Variants in TYW5 observed in about 807,000 individuals in gnomAD.
The protein encoded by TYW5 is tRNA wybutosine-synthesizing protein 5.
In TYW5, 36 loss-of-function variants were observed where a neutral mutation model predicts 44.4. The observed-to-expected ratio is 0.81, with a 90% CI of 0.62 to 1.07. The LOEUF (loss-of-function observed/expected upper bound fraction) is 1.07, where lower values mean the gene tolerates loss of function less well. Ranked by LOEUF, TYW5 falls within the 50% of genes least tolerant of loss-of-function variation. TYW5 has a pLI of 0.00. For missense variants in TYW5, 354 were observed against 365.7 expected (o/e 0.97, Z 0.26); for synonymous variants, 121 against 128.1 (o/e 0.94, Z 0.37).
intron 7 of TYW5, among the ~76,000 whole-genome samples, 161 bp downstream of exon 7, chr2:199,935,770 A>ACACACACACACG (rs1559300833): frequency 6.9e-6 from 1 of 145,850 alleles, no homozygotes; most frequent in East Asian, 2.0e-4. Flanking sequence ...ACACACATAC[A>ACACACACACACG]CACACACGCA....
At chr2:199,937,623 C>T (rs1486055310) in intron 5 of TYW5, among the ~76,000 whole-genome samples, 2 of 152,034 alleles carry the variant, frequency 1.3e-5, no homozygotes, top group Non-Finnish European at 2.9e-5. Flanking sequence ...GAGCCAGGAT[C>T]GTGCCACTGC....
chr2:199,936,015 G>A lies in TYW5; in HGVS notation c.607C>T (p.Pro203Ser), dbSNP rs1404878277. 6.2e-7 allele frequency: 1 copy of A among 1,612,350 alleles called. No homozygotes were observed. The stretch of plus-strand genomic sequence containing the variant: ...AAAAGTGGATATTTAGCCAAGTCTG[G>A]GTTATCTATATTCAGTACTTCTGAT... ...TKSEVLNIDN[P>S]DLAKYPLFSK... Residue 203 changes from proline to serine, a missense_variant, in exon 7 of 8, where the codon CCA becomes TCA. Pro to Ser is a moderately conservative substitution (Grantham distance 74, BLOSUM62 -1). Coordinates refer to ENST00000354611, the MANE Select transcript of TYW5 (RefSeq NM_001039693.3).
chr2:199,933,563 T>A (rs1173192972), intron 7 of TYW5, among the ~76,000 whole-genome samples: 1 of 152,204 alleles, frequency 6.6e-6, no homozygotes, highest in Non-Finnish European at 1.5e-5. Context: ...AATAGCAATT[T>A]TTCCTTTAAA....
Position 199,940,125 on chromosome 2 carries a change from T to G in TYW5, c.312A>C (p.Lys104Asn). Reference protein sequence around the residue: ...HKEFFVSEDEKYYLRSLGEDP... With the variant: ...HKEFFVSEDENYYLRSLGEDP... ...CTTCTCCAAGTGACCGTAAGTAGTA[T>G]TTCTCATCCTTAAACACCCCAGAGA... The change falls in exon 4 of 8, where the codon AAA becomes AAC. Residue 104 changes from lysine (K) to asparagine (N), a missense_variant. Transcript: ENST00000354611. 1 of 1,612,644 alleles carries G rather than the reference T, an allele frequency of 6.2e-7. No individual in the cohort carries two copies. Among genetic ancestry groups the G allele is most frequent in the Non-Finnish European group, 8.5e-7 (1 of 1,179,356 alleles).
Position 199,930,212 on chromosome 2 carries a change from G to C in TYW5, c.*2855C>G, listed in dbSNP as rs1296054350. 4 of 152,112 alleles carry C rather than the reference G, an allele frequency of 2.6e-5. No homozygotes were observed. The East Asian group carries it at 7.7e-4, about 29-fold the overall frequency. 9.4% of individuals were successfully genotyped at this position (152,112 alleles called of 1,614,324 possible). A position where few individuals can be genotyped will look rare whatever the true frequency, so the allele number is the denominator to read the frequency against. Reference sequence around the variant, plus strand: ...GGCTGGTCTCGAACTCCTGAGTTCAGATGATCCACCCACCTCGGTGCATAT... The same window carrying C: ...GGCTGGTCTCGAACTCCTGAGTTCACATGATCCACCCACCTCGGTGCATAT... On this transcript the variant is annotated 3_prime_UTR_variant, in exon 8 of 8. Coordinates refer to ENST00000354611, the MANE Select transcript of TYW5 (RefSeq NM_001039693.3).
intron 5 of TYW5, among the ~76,000 whole-genome samples, chr2:199,937,490 C>T (rs1421876995): frequency 6.6e-6 from 1 of 151,372 alleles, no homozygotes; most frequent in East Asian, 1.9e-4. Flanking sequence ...TCGCAAAACC[C>T]CATGTATACT....
intron 1 of TYW5, among the ~76,000 whole-genome samples, chr2:199,954,441 G>A (rs2077576605): frequency 6.6e-6 from 1 of 151,940 alleles, no homozygotes; most frequent in South Asian, 2.1e-4. Flanking sequence ...AGTTTTGTTT[G>A]TTTGTTTGAG....
chr2:199,950,547 G>A (rs759663182), intron 1 of TYW5, among the ~76,000 whole-genome samples: 14 of 152,098 alleles, frequency 9.2e-5, no homozygotes, highest in South Asian at 4.1e-4. Flanking sequence ...GGTCTTCCCC[G>A]GGTACTCTGG....
intron 3 of TYW5, among the ~76,000 whole-genome samples, chr2:199,941,827 T>C (rs2077467028): frequency 6.6e-6 from 1 of 152,190 alleles, no homozygotes. Context: ...AGGATTGGAA[T>C]CTAGGTCATG....
intron 4 of TYW5, among the ~76,000 whole-genome samples, chr2:199,939,725 C>T (rs562398583): frequency 6.6e-6 from 1 of 152,158 alleles, no homozygotes; most frequent in Non-Finnish European, 1.5e-5. Flanking sequence ...CACAGCCATA[C>T]TAATTTGACT....
At position 199,943,852 on chromosome 2, in the gene TYW5, G is replaced by A. The variant is rs927721013; in HGVS notation, c.234-18C>T. 1.8e-5 allele frequency: 28 copies of A among 1,594,354 alleles called. No homozygotes were observed. The highest frequency in any genetic ancestry group is 4.5e-5 in the East Asian group (2 of 44,584). The stretch of plus-strand genomic sequence containing the variant: ...GTAAAGTTCTGAAATAAACACAAAG[G>A]AATCCTTGGACTTAATAATAACAGA... On this transcript the variant is annotated intron_variant, in intron 2 of 7. Transcript: ENST00000354611.
At position 199,949,884 on chromosome 2, in the gene TYW5, G is replaced by C. The variant is rs188613930; in HGVS notation, c.79-1412C>G. On this transcript the variant is annotated intron_variant, in intron 1 of 7. Coordinates refer to ENST00000354611, the MANE Select transcript of TYW5 (RefSeq NM_001039693.3). ...TTATTTACTGGGTAATAATCTAGTG[G>C]TATCTAGTGGTATAATTTTGATACC... is the stretch of plus-strand genomic sequence containing the variant. 2.7e-3 allele frequency among the ~76,000 whole-genome samples: 405 copies of C among 152,196 alleles called. 1 individual carries two copies. The highest frequency in any genetic ancestry group is 9.2e-3 in the African/African-American group (384 of 41,514).
At chr2:199,944,186 G>C (rs1159331448) in intron 2 of TYW5, 1 of 171,460 alleles carries the variant, frequency 5.8e-6, no homozygotes, top group Non-Finnish European at 1.2e-5. Flanking sequence ...ATTGCTACCT[G>C]TTTTTAAGTG....
Position 199,936,523 on chromosome 2 carries a change from A to G in TYW5, c.487-31T>C, listed in dbSNP as rs183635024. 49 of 1,558,338 alleles carry G rather than the reference A, an allele frequency of 3.1e-5. No homozygotes were observed. In the East Asian group the frequency reaches 1.0e-3, roughly 32 times the overall value. ...GACCAATAAAAGCTTATGGGTAATC[A>G]TTATCTAAAATTCAAATAAATAGAA... On this transcript the variant is annotated intron_variant, in intron 5 of 7. Transcript: ENST00000354611.
rs537495740 is a variant in TYW5, at chr2:199,932,259, A to C, written c.*808T>G. ...TCTTGAATCAGTCTACAAAGTTGGG[A>C]CCTAGGTATCTGTACATTTTTTAAA... On this transcript the variant is annotated 3_prime_UTR_variant, in exon 8 of 8. Transcript: ENST00000354611. 6.6e-6 allele frequency: 1 copy of C among 152,278 alleles called. No individual in the cohort carries two copies. Among genetic ancestry groups the C allele is most frequent in the African/African-American group, 2.4e-5 (1 of 41,552 alleles). The allele number at this position is 152,278 out of a possible 1,614,324, so 9.4% of individuals were successfully genotyped here. A position where few individuals can be genotyped will look rare whatever the true frequency, so the allele number is the denominator to read the frequency against.
intron 1 of TYW5, among the ~76,000 whole-genome samples, chr2:199,952,117 T>C (rs2077550195): frequency 2.0e-5 from 3 of 152,208 alleles, no homozygotes; most frequent in Admixed American, 6.5e-5. Flanking sequence ...TCAGTGTAAA[T>C]GGGCCATAAT....
rs2077386381 is a variant in TYW5, at chr2:199,932,394, T to C, written c.*673A>G. On this transcript the variant is annotated 3_prime_UTR_variant, in exon 8 of 8. Coordinates refer to ENST00000354611, the MANE Select transcript of TYW5 (RefSeq NM_001039693.3). ...AAAAACTATCCTTTCTGTCCCCATA[T>C]ATCCCTCATGTGGCCTCCACTTCTA... The C allele has an allele frequency of 6.6e-6, 1 of 152,244 alleles. No homozygotes were observed. The highest frequency in any genetic ancestry group is 6.5e-5 in the Admixed American group (1 of 15,288). The allele number at this position is 152,244 out of a possible 1,614,324, so 9.4% of individuals were successfully genotyped here. A position where few individuals can be genotyped will look rare whatever the true frequency, so the allele number is the denominator to read the frequency against.
chr2:199,950,358 T>A (rs527305704), intron 1 of TYW5, among the ~76,000 whole-genome samples: 13 of 152,254 alleles, frequency 8.5e-5, no homozygotes, highest in African/African-American at 3.1e-4. Context: ...AATCCCAGAA[T>A]TCACAAGAAG....
intron 3 of TYW5, among the ~76,000 whole-genome samples, chr2:199,940,534 T>G (rs1301102553): frequency 1.3e-5 from 2 of 151,874 alleles, no homozygotes; most frequent in Non-Finnish European, 2.9e-5. Flanking sequence ...TCCCAGCTAC[T>G]TGGGAGGCTG....
Sources: allele counts gnomAD v4.1 joint callset (sites outside exome capture counted in the v4.1 genomes callset), GRCh38; gene constraint gnomAD v4.1.1; transcripts MANE v1.5; gene names NCBI Gene and HGNC (gene_info 2026-07-23, HGNC 2026-07-21).